ACTN2: variants seen among roughly 807,000 people sequenced by gnomAD.
The protein encoded by ACTN2 is actinin alpha 2.
ACTN2 carries 39 observed loss-of-function variants against 113.8 expected under a neutral mutation model. The observed-to-expected ratio is 0.34, with a 90% confidence interval of 0.27 to 0.45. The LOEUF (loss-of-function observed/expected upper bound fraction) is 0.45, where lower values mean the gene tolerates loss of function less well. Among genes scored for constraint, ACTN2 ranks in the 20% least tolerant of loss-of-function variants. ACTN2 has a pLI of 1.00. For synonymous variants in ACTN2, 429 were observed against 444.1 expected, an observed-to-expected ratio of 0.97 and a Z score of 0.43; for missense variants, 992 against 1,177.9, an observed-to-expected ratio of 0.84 and a Z score of 2.31.
chr1:236,689,853 A>G (rs1323373813), intron 1 of ACTN2, among the ~76,000 whole-genome samples: 2 of 152,204 alleles, frequency 1.3e-5, no homozygotes, highest in African/African-American at 2.4e-5. Flanking sequence ...TTGTACCTCA[A>G]CTGAAGCCTA....
At chr1:236,727,781 A>G (rs769604679) in intron 6 of ACTN2, 25 bp downstream of exon 6, 1 of 1,611,184 alleles carries the variant, frequency 6.2e-7, no homozygotes, top group Admixed American at 1.7e-5. Context: ...CCTGGCATGC[A>G]GTGTCCCCAG....
intron 17 of ACTN2, among the ~76,000 whole-genome samples, 167 bp downstream of exon 17, chr1:236,755,365 G>C (rs1260338056): frequency 6.6e-6 from 1 of 152,140 alleles, no homozygotes; most frequent in African/African-American, 2.4e-5. Flanking sequence ...GAAATGCTTC[G>C]TGAGCTATAT....
chr1:236,725,965 T>G lies in ACTN2; in HGVS notation c.481T>G (p.Cys161Gly). The change falls in exon 5 of 21, where the codon TGT becomes GGT. Residue 161 changes from cysteine to glycine, a missense_variant. This residue lies in a region of ACTN2 where 220 missense variants were observed against 337.5 expected (regional missense o/e 0.65). Coordinates refer to ENST00000366578, the MANE Select transcript of ACTN2 (RefSeq NM_001103.4). The part of the protein sequence containing the change: ...TSAKEGLLLW[C>G]QRKTAPYRNV... ...TGCCAAAGAAGGTCTGCTGCTTTGG[T>G]GTCAGAGGAAAACTGCTCCTTATAG... The G allele has an allele frequency of 6.2e-7, 1 of 1,614,176 alleles. No homozygotes were observed. The highest frequency in any genetic ancestry group is 8.5e-7 in the Non-Finnish European group (1 of 1,180,024).
At chr1:236,711,931 T>TA (rs1168769395) in intron 1 of ACTN2, among the ~76,000 whole-genome samples, 2 of 152,190 alleles carry the variant, frequency 1.3e-5, no homozygotes, top group African/African-American at 4.8e-5. Context: ...ATTGGCCTCT[T>TA]TCTTCTGTGG....
At chr1:236,738,518 A>T (rs3768125) in intron 9 of ACTN2, among the ~76,000 whole-genome samples, 70,115 of 152,188 alleles carry the variant, frequency 0.46, 19,155 homozygotes, top group Non-Finnish European at 0.61. Context: ...AGGCCAGAGG[A>T]TCCTTAGGAA....
At chr1:236,711,453 C>G (rs1020943690) in intron 1 of ACTN2, among the ~76,000 whole-genome samples, 2 of 152,272 alleles carry the variant, frequency 1.3e-5, no homozygotes, top group African/African-American at 4.8e-5. Flanking sequence ...TGGGTTCAAG[C>G]GATTCTTGCC....
intron 1 of ACTN2, among the ~76,000 whole-genome samples, chr1:236,700,814 G>A (rs545983793): frequency 2.0e-5 from 3 of 152,292 alleles, no homozygotes; most frequent in South Asian, 2.1e-4. Context: ...GACTGCTTCC[G>A]GGGAATTTAT....
intron 1 of ACTN2, among the ~76,000 whole-genome samples, chr1:236,691,072 A>T (rs1026391044): frequency 6.6e-6 from 1 of 151,188 alleles, no homozygotes; most frequent in African/African-American, 2.4e-5. Flanking sequence ...CAGTAGCTGG[A>T]ATTACAGGTG....
intron 8 of ACTN2, 156 bp from the exon 9 acceptor site, chr1:236,736,966 A>C: frequency 1.5e-6 from 1 of 668,144 alleles, no homozygotes; most frequent in Non-Finnish European, 2.7e-6. Flanking sequence ...TAGTACGCAT[A>C]AGCCATGCCT....
At chr1:236,728,706 TC>T (rs1482494131) in intron 6 of ACTN2, among the ~76,000 whole-genome samples, 3 of 152,024 alleles carry the variant, frequency 2.0e-5, no homozygotes, top group African/African-American at 7.2e-5. Context: ...TGTTTAAGTC[TC>T]AGATTAGTAT....
At position 236,754,882 on chromosome 1, in the gene ACTN2, T is replaced by G; in HGVS notation, c.1975-137T>G. On this transcript the variant is annotated intron_variant, in intron 16 of 20. Transcript: ENST00000366578. This position sits in a 1 kb window ranked among gnomAD's most constrained non-coding sequence, Gnocchi z 4.9. ...CAGTCCCCACTTCCTCTGAGAAAAGTGAACCGAGTGACACTGGCCGCTGCC... is the reference window on the plus strand; with the variant it reads ...CAGTCCCCACTTCCTCTGAGAAAAGGGAACCGAGTGACACTGGCCGCTGCC... The G allele has an allele frequency of 2.1e-6, 2 of 969,686 alleles. No individual in the cohort carries two copies. Among genetic ancestry groups the G allele is most frequent in the Admixed American group, 1.8e-5 (1 of 56,198 alleles). 60.1% of individuals were successfully genotyped at this position (969,686 alleles called of 1,614,324 possible). A position where few individuals can be genotyped will look rare whatever the true frequency, so the allele number is the denominator to read the frequency against.
intron 7 of ACTN2, among the ~76,000 whole-genome samples, chr1:236,732,753 T>A (rs754942740): frequency 6.6e-6 from 1 of 152,172 alleles, no homozygotes; most frequent in Non-Finnish European, 1.5e-5. Context: ...TGTGAATATT[T>A]TCTTACAAGG....
intron 1 of ACTN2, among the ~76,000 whole-genome samples, chr1:236,688,805 TTATG>T (rs1486979610): frequency 6.6e-6 from 1 of 152,146 alleles, no homozygotes; most frequent in African/African-American, 2.4e-5. Flanking sequence ...TGGCCTCTAT[TTATG>T]TCCCATGAGA....
chr1:236,704,110 C>T (rs2102873489), intron 1 of ACTN2, among the ~76,000 whole-genome samples: 1 of 152,260 alleles, frequency 6.6e-6, no homozygotes, highest in African/African-American at 2.4e-5. Flanking sequence ...AAAGGAACTG[C>T]CTCAAGCTTC....
chr1:236,757,643 C>T lies in ACTN2; in HGVS notation c.2301+11C>T, dbSNP rs1375337125. The T allele has an allele frequency of 1.9e-6, 3 of 1,613,936 alleles. No homozygotes were observed. Among genetic ancestry groups the T allele is most frequent in the Non-Finnish European group, 2.5e-6 (3 of 1,179,972 alleles). ...AACCACTTTGACAGGGTACCACTCT[C>T]TACTTATTTGAAGGGCAATACTGGG... On this transcript the variant is annotated intron_variant, in intron 18 of 20. Coordinates refer to ENST00000366578, the MANE Select transcript of ACTN2 (RefSeq NM_001103.4).
At chr1:236,726,846 T>C (rs1339962510) in intron 5 of ACTN2, among the ~76,000 whole-genome samples, 2 of 152,226 alleles carry the variant, frequency 1.3e-5, no homozygotes, top group Non-Finnish European at 2.9e-5. Flanking sequence ...TGAGAGGAGC[T>C]ACCAAGGGCT....
intron 6 of ACTN2, among the ~76,000 whole-genome samples, chr1:236,729,054 T>C (rs1658643249): frequency 6.6e-6 from 1 of 152,004 alleles, no homozygotes; most frequent in South Asian, 2.1e-4. Flanking sequence ...ATCCACAAGA[T>C]TCAGAAGGGA....
rs1474220940 is a variant in ACTN2 at position 236,732,414 on chromosome 1, C to CTTTTCT, written c.697+1111_697+1116dup. On this transcript the variant is annotated intron_variant, in intron 7 of 20. Coordinates refer to ENST00000366578, the MANE Select transcript of ACTN2 (RefSeq NM_001103.4). ...GCCTTTTCCCCTCTGTGAATATTTT[C>CTTTTCT]TTTTCTTTTTCTTTTTATTTTTTAT... Among the ~76,000 whole-genome samples, 4 of 146,252 alleles carry CTTTTCT rather than the reference C, an allele frequency of 2.7e-5. No homozygotes were observed. In the South Asian group the frequency reaches 8.8e-4, roughly 32 times the overall value.
rs886046213 is a variant in ACTN2, at chr1:236,763,920, T to C, written c.*1301T>C. The C allele has an allele frequency of 1.3e-5, 2 of 152,228 alleles. No individual in the cohort carries two copies. The highest frequency in any genetic ancestry group is 1.3e-4 in the Admixed American group (2 of 15,286). The allele number at this position is 152,228 out of a possible 1,614,324, so 9.4% of individuals were successfully genotyped here. ...GTTTTTCCATCTTGTTGACAGCTTGTAGAGAATAAAGCAGGAATTCTTTTT... is the reference window on the plus strand; with the variant it reads ...GTTTTTCCATCTTGTTGACAGCTTGCAGAGAATAAAGCAGGAATTCTTTTT... On this transcript the variant is annotated 3_prime_UTR_variant, in exon 21 of 21. Coordinates refer to ENST00000366578, the MANE Select transcript of ACTN2 (RefSeq NM_001103.4).
Sources: allele counts gnomAD v4.1 joint callset (sites outside exome capture counted in the v4.1 genomes callset), GRCh38; gene constraint gnomAD v4.1.1; regional missense constraint gnomAD v4.1.1; non-coding constraint Gnocchi (gnomAD v3.1); transcripts MANE v1.5; gene names NCBI Gene and HGNC (gene_info 2026-07-23, HGNC 2026-07-21).